Variants in KCNIP4 observed in about 807,000 individuals in gnomAD.
The protein encoded by KCNIP4 is Kv channel-interacting protein 4.
A neutral mutation model predicts 34.0 loss-of-function variants in KCNIP4; 12 were observed. That is an observed-to-expected ratio of 0.35 (90% CI 0.23 to 0.57). The LOEUF is 0.57. KCNIP4 is among the 20% of genes least tolerant of loss of function. The probability of loss-of-function intolerance (pLI) is 0.83; values close to 1 mark genes in which losing one functional copy is unlikely to be tolerated. For missense variants in KCNIP4, 238 were observed against 311.7 expected (o/e 0.76, Z 1.78); for synonymous variants, 124 against 102.2 (o/e 1.21, Z -1.29).
intron 1 of KCNIP4, among the ~76,000 whole-genome samples, chr4:21,584,249 T>A (rs182814095): frequency 6.6e-6 from 1 of 152,214 alleles, no homozygotes; most frequent in African/African-American, 2.4e-5. Context: ...CTTACATTTT[T>A]AAACATAAAT....
intron 1 of KCNIP4, among the ~76,000 whole-genome samples, chr4:21,381,378 C>G (rs766520254): frequency 6.6e-6 from 1 of 152,160 alleles, no homozygotes; most frequent in Non-Finnish European, 1.5e-5. Flanking sequence ...ATGACACATT[C>G]TATTTTGGGA....
chr4:21,597,878 G>T (rs1196072325), intron 1 of KCNIP4, among the ~76,000 whole-genome samples: 1 of 152,010 alleles, frequency 6.6e-6, no homozygotes, highest in Admixed American at 6.6e-5. Context: ...AGAAAAAGAG[G>T]ACTTGTTCGA....
intron 1 of KCNIP4, among the ~76,000 whole-genome samples, chr4:21,127,964 T>C (rs1189778282): frequency 2.0e-5 from 3 of 152,254 alleles, no homozygotes; most frequent in Admixed American, 6.5e-5. Flanking sequence ...ACTGAAGACA[T>C]GCTAAAGCAG....
chr4:21,407,339 T>C (rs1724079478), intron 1 of KCNIP4, among the ~76,000 whole-genome samples: 1 of 152,150 alleles, frequency 6.6e-6, no homozygotes, highest in Non-Finnish European at 1.5e-5. Context: ...AACTTCCCTC[T>C]ATATCTTTAT....
chr4:20,963,178 T>C (rs755389662), intron 1 of KCNIP4, among the ~76,000 whole-genome samples: 1 of 149,638 alleles, frequency 6.7e-6, no homozygotes, highest in Non-Finnish European at 1.5e-5. Flanking sequence ...AAAAAAAAAA[T>C]GAGCTGGGCA....
chr4:20,943,715 T>A (rs1486179287), intron 1 of KCNIP4, among the ~76,000 whole-genome samples: 1 of 152,120 alleles, frequency 6.6e-6, no homozygotes, highest in Non-Finnish European at 1.5e-5. Flanking sequence ...CTCCACTACA[T>A]GACACTGCAG....
intron 1 of KCNIP4, among the ~76,000 whole-genome samples, chr4:21,178,467 G>GAACT (rs1754596185): frequency 0.014 from 2,183 of 151,506 alleles, 76 homozygotes; most frequent in African/African-American, 0.049. Context: ...TGAAGGTAGT[G>GAACT]GATTCACAGA....
chr4:21,285,903 C>T (rs1014107641), intron 1 of KCNIP4, among the ~76,000 whole-genome samples: 1 of 152,128 alleles, frequency 6.6e-6, no homozygotes, highest in Admixed American at 6.6e-5. Context: ...TGCCATCTAG[C>T]ACTGCACAAG....
chr4:21,551,339 T>C (rs929837965), intron 1 of KCNIP4, among the ~76,000 whole-genome samples: 4 of 152,092 alleles, frequency 2.6e-5, no homozygotes, highest in Admixed American at 6.6e-5. Context: ...GTTCTTTCAG[T>C]TTACAGTGAT....
intron 1 of KCNIP4, among the ~76,000 whole-genome samples, chr4:21,943,711 A>G (rs1219424627): frequency 1.3e-5 from 2 of 152,192 alleles, no homozygotes; most frequent in African/African-American, 2.4e-5. Flanking sequence ...GGGCATTAAA[A>G]GATTTTGTGC....
At chr4:20,919,556 A>G (rs565947182) in intron 1 of KCNIP4, among the ~76,000 whole-genome samples, 445 of 152,102 alleles carry the variant, frequency 2.9e-3, no homozygotes, top group Non-Finnish European at 4.4e-3. Context: ...ACAAAAAATT[A>G]GCTGGGCGTG....
chr4:20,814,115 G>A (rs1445960645), intron 3 of KCNIP4, among the ~76,000 whole-genome samples: 1 of 152,164 alleles, frequency 6.6e-6, no homozygotes, highest in African/African-American at 2.4e-5. Context: ...GTGCTGGGAA[G>A]GGTCCCACAG....
At chr4:20,799,544 A>C (rs915765073) in intron 3 of KCNIP4, among the ~76,000 whole-genome samples, 1 of 152,114 alleles carries the variant, frequency 6.6e-6, no homozygotes, top group South Asian at 2.1e-4. Flanking sequence ...ACCTCCACCC[A>C]TCTGAGCTGG....
chr4:20,875,672 A>C (rs936304429), intron 2 of KCNIP4, among the ~76,000 whole-genome samples: 1 of 152,152 alleles, frequency 6.6e-6, no homozygotes, highest in African/African-American at 2.4e-5. Context: ...CCTTTAGCTA[A>C]ATTCACCAAG....
At chr4:21,262,170 T>C (rs540861327) in intron 1 of KCNIP4, among the ~76,000 whole-genome samples, 2 of 152,130 alleles carry the variant, frequency 1.3e-5, no homozygotes, top group African/African-American at 4.8e-5. Flanking sequence ...AAAACCTTTT[T>C]CCCCTTTCTA....
intron 1 of KCNIP4, among the ~76,000 whole-genome samples, chr4:21,422,024 G>C (rs1414193982): frequency 6.6e-6 from 1 of 152,026 alleles, no homozygotes; most frequent in Non-Finnish European, 1.5e-5. Context: ...TGTTCTATGA[G>C]ACATATCTCT....
intron 3 of KCNIP4, among the ~76,000 whole-genome samples, chr4:20,848,080 TA>T (rs1299059182): frequency 2.0e-5 from 3 of 152,082 alleles, no homozygotes; most frequent in South Asian, 2.1e-4. Flanking sequence ...TACATTTGAC[TA>T]GGGGGAAATA....
chr4:20,891,853 A>G (rs551885881), intron 1 of KCNIP4, among the ~76,000 whole-genome samples: 2 of 152,316 alleles, frequency 1.3e-5, no homozygotes, highest in South Asian at 4.2e-4. Flanking sequence ...TAATACTATG[A>G]TGCCTATTTT....
At chr4:21,332,012 T>A (rs1469575200) in intron 1 of KCNIP4, among the ~76,000 whole-genome samples, 1 of 152,058 alleles carries the variant, frequency 6.6e-6, no homozygotes, top group Non-Finnish European at 1.5e-5. Context: ...GTACAAAATT[T>A]AGTAGAAAGT....
Sources: gnomAD v4.1 joint callset for allele counts (sites outside exome capture counted in the v4.1 genomes callset) on GRCh38, gnomAD v4.1.1 for gene constraint, MANE v1.5 for transcripts, NCBI Gene and HGNC (gene_info 2026-07-23, HGNC 2026-07-21) for gene names.